Variants in CAMKK2 observed in about 807,000 individuals in gnomAD.
The protein encoded by CAMKK2 is calcium/calmodulin dependent protein kinase kinase 2.
CAMKK2 carries 30 observed loss-of-function variants against 67.2 expected under a neutral mutation model. The ratio of observed to expected loss-of-function variants is 0.45; its 90% CI spans 0.33 to 0.61. The LOEUF (loss-of-function observed/expected upper bound fraction) is 0.61. CAMKK2 is among the 20% of genes least tolerant of loss of function. CAMKK2 has a pLI of 0.02. For missense variants in CAMKK2, 643 were observed against 802.0 expected, an observed-to-expected ratio of 0.80 and a Z score of 2.39; for synonymous variants, 322 against 326.2, an observed-to-expected ratio of 0.99 and a Z score of 0.14.
chr12:121,279,648 T>C (rs1415999833), intron 1 of CAMKK2, among the ~76,000 whole-genome samples: 4 of 152,294 alleles, frequency 2.6e-5, no homozygotes, highest in African/African-American at 7.2e-5. Flanking sequence ...GGAGGACTTT[T>C]TTGCAAAGTT....
At position 121,253,266 on chromosome 12, in the gene CAMKK2, A is replaced by G. The variant is rs1891151227; in HGVS notation, c.1107+7T>C. On this transcript the variant is annotated splice_region_variant and intron_variant, in intron 10 of 16. Transcript: ENST00000404169. The surrounding 1 kb of genome is among the most constrained non-coding windows in gnomAD (Gnocchi z 5.0). ...GAACTCTGTGGCTGAGGCAGGCCCA[A>G]GCTTACCTTCCCAGAGAAGATCTTG... 1 of 1,613,776 alleles carries G rather than the reference A, an allele frequency of 6.2e-7. No individual in the cohort carries two copies. Among genetic ancestry groups the G allele is most frequent in the African/African-American group, 1.3e-5 (1 of 74,910 alleles).
At chr12:121,246,256 G>GC (rs1889430666) in intron 14 of CAMKK2, among the ~76,000 whole-genome samples, 1 of 149,584 alleles carries the variant, frequency 6.7e-6, no homozygotes. Flanking sequence ...GAAGGAGCGG[G>GC]GGGGGGGAGG....
chr12:121,260,774 G>A (rs1415320019), intron 6 of CAMKK2, among the ~76,000 whole-genome samples: 1 of 152,048 alleles, frequency 6.6e-6, no homozygotes, highest in African/African-American at 2.4e-5. Flanking sequence ...CCAACATGGA[G>A]AAACCCCATC....
intron 13 of CAMKK2, 130 bp from the exon 14 acceptor site, chr12:121,248,864 G>T: frequency 9.9e-7 from 1 of 1,014,900 alleles, no homozygotes. Context: ...CAAAACAGCT[G>T]GCGAGCAGAG....
chr12:121,258,018 T>C (rs1593343268), intron 7 of CAMKK2, among the ~76,000 whole-genome samples: 2 of 141,388 alleles, frequency 1.4e-5, no homozygotes, highest in South Asian at 4.4e-4. Flanking sequence ...GATCGAGTTT[T>C]CTACTTTTTT....
chr12:121,260,445 G>T (rs761769476), intron 6 of CAMKK2, 90 bp from the exon 7 acceptor site: 1 of 1,245,864 alleles, frequency 8.0e-7, no homozygotes, highest in African/African-American at 1.5e-5. Flanking sequence ...CAGCATCCAC[G>T]TGGCTGCGTT....
At chr12:121,247,394 T>C (rs1225628134) in intron 14 of CAMKK2, among the ~76,000 whole-genome samples, 1 of 152,182 alleles carries the variant, frequency 6.6e-6, no homozygotes, top group Non-Finnish European at 1.5e-5. Context: ...GTATAATGAA[T>C]GCCTACTCCA....
At position 121,244,633 on chromosome 12, in the gene CAMKK2, AG is replaced by A. The variant is rs1230232055; in HGVS notation, c.1554-19del. Reference sequence around the variant, plus strand: ...GTTTTTTGCTGGAATCACCAGAGGGAGGGAAAAGGGAAGTGAGAAGGGACCC... The same window carrying A: ...GTTTTTTGCTGGAATCACCAGAGGGAGGAAAAGGGAAGTGAGAAGGGACCC... On this transcript the variant is annotated intron_variant, in intron 15 of 16. Coordinates refer to ENST00000404169, the MANE Select transcript of CAMKK2 (RefSeq NM_001270485.2). 2.6e-6 allele frequency: 4 copies of A among 1,554,194 alleles called. No individual in the cohort carries two copies. The highest frequency in any genetic ancestry group is 4.8e-5 in the East Asian group (2 of 42,054).
chr12:121,244,655 G>A, intron 15 of CAMKK2, 40 bp from the exon 16 acceptor site: 1 of 1,508,268 alleles, frequency 6.6e-7, no homozygotes, highest in Non-Finnish European at 9.0e-7. Context: ...AGTGAGAAGG[G>A]ACCCTTGGGA....
At chr12:121,255,688 G>A (rs1892131515) in intron 8 of CAMKK2, 50 bp from the exon 9 acceptor site, 2 of 1,606,756 alleles carry the variant, frequency 1.2e-6, no homozygotes, top group Non-Finnish European at 1.7e-6. Flanking sequence ...GCCAGCCCTT[G>A]CCCTCTCTCA....
At position 121,240,227 on chromosome 12, in the gene CAMKK2, G is replaced by T; in HGVS notation, c.*472C>A. 1.7e-6 allele frequency: 1 copy of T among 597,640 alleles called. No homozygotes were observed. Among genetic ancestry groups the T allele is most frequent in the Non-Finnish European group, 2.9e-6 (1 of 340,532 alleles). 37.0% of individuals were successfully genotyped at this position (597,640 alleles called of 1,614,324 possible). A position where few individuals can be genotyped will look rare whatever the true frequency, so the allele number is the denominator to read the frequency against. On this transcript the variant is annotated 3_prime_UTR_variant, in exon 17 of 17. Coordinates refer to ENST00000404169, the MANE Select transcript of CAMKK2 (RefSeq NM_001270485.2). The surrounding 1 kb of genome is among the most constrained non-coding windows in gnomAD (Gnocchi z 4.4). ...AGACCACGGCTCTGGAAGGTGCCAT[G>T]GTTTCCGGTTTGCACTAGGAGCCAC...
At chr12:121,243,772 G>A in intron 16 of CAMKK2, 2 of 833,220 alleles carry the variant, frequency 2.4e-6, no homozygotes, top group Non-Finnish European at 3.1e-6. Context: ...AGAAACCACT[G>A]AATCATACAC....
intron 2 of CAMKK2, among the ~76,000 whole-genome samples, 180 bp from the exon 3 acceptor site, chr12:121,271,125 A>G (rs1257551085): frequency 2.6e-5 from 4 of 151,846 alleles, no homozygotes; most frequent in Non-Finnish European, 5.9e-5. Context: ...TAATATAAAA[A>G]TTAGCCAGGC....
intron 1 of CAMKK2, among the ~76,000 whole-genome samples, chr12:121,292,255 G>A (rs1214192557): frequency 1.3e-5 from 2 of 151,454 alleles, no homozygotes; most frequent in East Asian, 2.0e-4. Flanking sequence ...TCTCCCGAGT[G>A]GCTGGGATTA....
intron 6 of CAMKK2, among the ~76,000 whole-genome samples, chr12:121,261,226 A>C (rs200925897): frequency 2.0e-5 from 3 of 152,174 alleles, no homozygotes; most frequent in African/African-American, 7.2e-5. Context: ...ATGAATGAAC[A>C]AACAGATGGG....
chr12:121,262,533 T>C (rs1893668335), intron 6 of CAMKK2, among the ~76,000 whole-genome samples: 1 of 150,594 alleles, frequency 6.6e-6, no homozygotes, highest in African/African-American at 2.5e-5. Flanking sequence ...AATGTATTAC[T>C]CATGTTAATA....
intron 2 of CAMKK2, among the ~76,000 whole-genome samples, 196 bp from the exon 3 acceptor site, chr12:121,271,141 G>C (rs1005436684): frequency 6.6e-6 from 1 of 151,834 alleles, no homozygotes; most frequent in African/African-American, 2.4e-5. Context: ...CAGGCGTGGT[G>C]GTGGGCACCT....
intron 12 of CAMKK2, 29 bp from the exon 13 acceptor site, chr12:121,249,903 G>A: frequency 6.2e-7 from 1 of 1,612,966 alleles, no homozygotes; most frequent in Non-Finnish European, 8.5e-7. Flanking sequence ...CAGGGTGGCA[G>A]ACACGGGACC....
At chr12:121,272,701 TAAAAAAAAA>T (rs11292057) in intron 2 of CAMKK2, among the ~76,000 whole-genome samples, 1 of 117,486 alleles carries the variant, frequency 8.5e-6, no homozygotes, top group East Asian at 2.4e-4. Flanking sequence ...CATCTCTACT[TAAAAAAAAA>T]AAAAAAAAAA....
Sources: gnomAD v4.1 joint callset for allele counts (sites outside exome capture counted in the v4.1 genomes callset) on GRCh38, gnomAD v4.1.1 for gene constraint, Gnocchi (gnomAD v3.1) non-coding constraint, MANE v1.5 for transcripts, NCBI Gene and HGNC (gene_info 2026-07-23, HGNC 2026-07-21) for gene names.